Variants in COIL observed in about 807,000 individuals in gnomAD.
COIL encodes coilin, also known as coilin p80.
In COIL, 28 loss-of-function variants were observed where a neutral mutation model predicts 51.6. The ratio of observed to expected loss-of-function variants is 0.54; its 90% CI spans 0.40 to 0.74. The LOEUF (loss-of-function observed/expected upper bound fraction) is 0.74. Ranked by LOEUF, COIL falls within the 30% of genes least tolerant of loss-of-function variation. The pLI, the probability that COIL is intolerant of heterozygous loss-of-function variation, is 0.00. For missense variants in COIL, 667 were observed against 685.9 expected, an observed-to-expected ratio of 0.97 and a Z score of 0.31; for synonymous variants, 233 against 255.8, an observed-to-expected ratio of 0.91 and a Z score of 0.85.
chr17:56,950,563 G>C lies in COIL; in HGVS notation c.679C>G (p.Leu227Val), dbSNP rs1031352921. Residue 227 changes from leucine to valine, a missense_variant, in exon 2 of 7, where the codon CTT (leucine) becomes GTT (valine). Leu to Val is a conservative substitution (Grantham distance 32). Transcript: ENST00000240316. ...CTACCTTTCCTTTTGGCTTTAACAA[G>C]GCTGTTTCTAGCAGAACCTTTTGGA... Reference protein sequence around the residue: ...SSPKGSARNSLVKAKRKGSVS... With the variant: ...SSPKGSARNSVVKAKRKGSVS... 1 of 1,614,194 alleles carries C rather than the reference G, an allele frequency of 6.2e-7. No individual in the cohort carries two copies. The highest frequency in any genetic ancestry group is 8.5e-7 in the Non-Finnish European group (1 of 1,180,044).
At chr17:56,960,021 G>A (rs1335766931) in intron 1 of COIL, among the ~76,000 whole-genome samples, 1 of 151,926 alleles carries the variant, frequency 6.6e-6, no homozygotes, top group Non-Finnish European at 1.5e-5. Context: ...GACCAGCCTG[G>A]CCAACACGGT....
intron 4 of COIL, among the ~76,000 whole-genome samples, chr17:56,947,718 A>G (rs527248046): frequency 6.6e-6 from 1 of 152,230 alleles, no homozygotes; most frequent in South Asian, 2.1e-4. Context: ...TGATTCACCT[A>G]CCTTGGCCTC....
At chr17:56,956,979 A>T (rs1405796577) in intron 1 of COIL, among the ~76,000 whole-genome samples, 1 of 152,114 alleles carries the variant, frequency 6.6e-6, no homozygotes, top group Non-Finnish European at 1.5e-5. Flanking sequence ...TTCAAAAGGG[A>T]GTTTCTCAGG....
intron 5 of COIL, among the ~76,000 whole-genome samples, chr17:56,944,059 G>T (rs1300980467): frequency 6.6e-6 from 1 of 150,408 alleles, no homozygotes; most frequent in African/African-American, 2.5e-5. Flanking sequence ...TTACGACAGA[G>T]TCTCACTATG....
At chr17:56,958,450 C>T (rs1055698712) in intron 1 of COIL, among the ~76,000 whole-genome samples, 1 of 152,350 alleles carries the variant, frequency 6.6e-6, no homozygotes, top group African/African-American at 2.4e-5. Context: ...TCTTTTTCTA[C>T]GGTCTGCCCA....
chr17:56,953,538 G>A (rs755832366), intron 1 of COIL, among the ~76,000 whole-genome samples: 8 of 151,860 alleles, frequency 5.3e-5, no homozygotes, highest in South Asian at 4.1e-4. Flanking sequence ...CTGTAATTGC[G>A]CCACTGCTGA....
At chr17:56,942,740 T>G (rs1459484376) in intron 5 of COIL, among the ~76,000 whole-genome samples, 4 of 152,204 alleles carry the variant, frequency 2.6e-5, no homozygotes, top group Non-Finnish European at 4.4e-5. Context: ...GGTCTCAAAC[T>G]TCTGGCCTCA....
chr17:56,953,186 T>C (rs7207409), intron 1 of COIL, among the ~76,000 whole-genome samples: 143,911 of 151,354 alleles, frequency 0.95, 68,458 homozygotes, highest in East Asian at 0.99. Context: ...TCAAGGTGGG[T>C]GGATCACAAG....
Position 56,950,440 on chromosome 17 carries a change from C to G in COIL, c.802G>C (p.Ala268Pro). The part of the protein sequence containing the change: ...SDGPSKVTLE[A>P]RNSSEKLPTE... ...GGTAATTTCTCTGAGGAATTTCTGG[C>G]CTCCAAAGTGACTTTGCTGGGACCA... The change falls in exon 2 of 7, where the codon GCC becomes CCC. Residue 268 changes from alanine to proline, a missense_variant. Physicochemically the swap from Ala to Pro is conservative, Grantham distance 27. Coordinates refer to ENST00000240316, the MANE Select transcript of COIL (RefSeq NM_004645.3). 3 of 1,614,182 alleles carry G rather than the reference C, an allele frequency of 1.9e-6. No individual in the cohort carries two copies. In the Admixed American group the frequency reaches 5.0e-5, roughly 27 times the overall value.
chr17:56,948,377 G>C (rs1474625141), intron 4 of COIL, among the ~76,000 whole-genome samples: 1 of 151,682 alleles, frequency 6.6e-6, no homozygotes, highest in East Asian at 1.9e-4. Context: ...CTGATCTCGT[G>C]ATCCACCCAC....
In COIL at chr17:56,950,866, A is replaced by G. The variant is rs746602498; in HGVS notation, c.376T>C (p.Cys126Arg). 1.2e-6 allele frequency: 2 copies of G among 1,613,958 alleles called. No homozygotes were observed. The highest frequency in any genetic ancestry group is 1.7e-6 in the Non-Finnish European group (2 of 1,180,034). The change falls in exon 2 of 7, where the codon TGC (cysteine) becomes CGC (arginine). Residue 126 changes from cysteine to arginine, a missense_variant. By Grantham distance (180) the Cys-to-Arg change is radical. Transcript: ENST00000240316. ...LEEGEETEPDCKYSKKHWKSR... is the reference protein window; with the variant it reads ...LEEGEETEPDRKYSKKHWKSR... Reference sequence around the variant, plus strand: ...TTCCAATGCTTCTTTGAATATTTGCAATCTGGTTCAGTTTCTTCACCCTCC... The same window carrying G: ...TTCCAATGCTTCTTTGAATATTTGCGATCTGGTTCAGTTTCTTCACCCTCC...
intron 6 of COIL, among the ~76,000 whole-genome samples, chr17:56,940,807 C>G (rs1391043675): frequency 6.6e-6 from 1 of 152,174 alleles, no homozygotes; most frequent in African/African-American, 2.4e-5. Context: ...GAGCTAGCCA[C>G]TGCCAGCAAC....
chr17:56,957,989 A>G (rs1910514543), intron 1 of COIL, among the ~76,000 whole-genome samples: 1 of 152,238 alleles, frequency 6.6e-6, no homozygotes, highest in African/African-American at 2.4e-5. Flanking sequence ...CAGGATTCCC[A>G]CAACCTAGTT....
chr17:56,947,132 A>G (rs957739598), intron 4 of COIL, among the ~76,000 whole-genome samples: 2 of 152,120 alleles, frequency 1.3e-5, no homozygotes, highest in Non-Finnish European at 2.9e-5. Context: ...CTCCGGGGGT[A>G]TATACTGAGA....
intron 3 of COIL, 67 bp from the exon 4 acceptor site, chr17:56,949,501 C>T: frequency 1.3e-6 from 2 of 1,525,350 alleles, no homozygotes; most frequent in Non-Finnish European, 1.8e-6. Context: ...CACAGCTCCT[C>T]CATCATGCCA....
At chr17:56,947,101 G>A (rs1910263412) in intron 4 of COIL, among the ~76,000 whole-genome samples, 1 of 152,132 alleles carries the variant, frequency 6.6e-6, no homozygotes, top group African/African-American at 2.4e-5. Flanking sequence ...GCACGTGGGC[G>A]ATGGGGAGAC....
Position 56,949,944 on chromosome 17 carries a change from T to G in COIL, c.1298A>C (p.Asn433Thr), listed in dbSNP as rs1329814495. Residue 433 changes from asparagine (N) to threonine (T), a missense_variant, in exon 2 of 7, where the codon AAC becomes ACC. Coordinates refer to ENST00000240316, the MANE Select transcript of COIL (RefSeq NM_004645.3). ...VSCVVNRSTD[N>T]QRQQQLNDVV... ...GTCATTTAATTGCTGTTGCCTCTGG[T>G]TGTCAGTGCTTCTATTTACAACACA... 1.2e-6 allele frequency: 2 copies of G among 1,614,074 alleles called. No individual in the cohort carries two copies. The highest frequency in any genetic ancestry group is 2.2e-5 in the South Asian group (2 of 91,078).
At chr17:56,942,157 G>A in intron 5 of COIL, 34 bp from the exon 6 acceptor site, 1 of 1,529,764 alleles carries the variant, frequency 6.5e-7, no homozygotes, top group Non-Finnish European at 9.1e-7. Context: ...AAGAGAGTAA[G>A]TCATTTTTCA....
intron 1 of COIL, among the ~76,000 whole-genome samples, chr17:56,956,631 G>A (rs545259685): frequency 4.0e-5 from 6 of 151,706 alleles, no homozygotes; most frequent in African/African-American, 7.3e-5. Context: ...TCACTCTGTC[G>A]CCCAGGCTGC....
Sources: gnomAD v4.1 joint callset for allele counts (sites outside exome capture counted in the v4.1 genomes callset) on GRCh38, gnomAD v4.1.1 for gene constraint, MANE v1.5 for transcripts, NCBI Gene and HGNC (gene_info 2026-07-23, HGNC 2026-07-21) for gene names.